Variants in LIX1L observed in about 807,000 individuals in gnomAD.
LIX1L encodes LIX1-like protein.
LIX1L carries 20 observed loss-of-function variants against 34.0 expected under a neutral mutation model. The observed-to-expected ratio is 0.59, with a 90% CI of 0.41 to 0.85. The LOEUF is 0.85. LIX1L is among the 40% of genes least tolerant of loss of function. The pLI is 0.00. For synonymous variants in LIX1L, 170 were observed against 187.4 expected (o/e 0.91, Z 0.76); for missense variants, 397 against 447.0 (o/e 0.89, Z 1.01).
At position 145,942,833 on chromosome 1, in the gene LIX1L, C is replaced by G. The variant is rs1553758849; in HGVS notation, c.477G>C (p.Glu159Asp). The G allele has an allele frequency of 6.2e-7, 1 of 1,614,126 alleles. No individual in the cohort carries two copies. The highest frequency in any genetic ancestry group is 1.1e-5 in the South Asian group (1 of 91,074). Residue 159 changes from glutamate (E) to aspartate (D), a missense_variant, in exon 3 of 6, where the codon GAG (glutamate) becomes GAC (aspartate). By Grantham distance (45) the Glu-to-Asp change is conservative. Transcript: ENST00000604000. Reference protein sequence around the residue: ...GSFQFCPTKAEARRSAAKIAL... With the variant: ...GSFQFCPTKADARRSAAKIAL... ...CAATCTTTGCAGCACTCCTCCGGGCCTCAGCTTTTGTGGGGCAAAACTAGG... is the reference window on the plus strand; with the variant it reads ...CAATCTTTGCAGCACTCCTCCGGGCGTCAGCTTTTGTGGGGCAAAACTAGG...
chr1:145,944,389 T>C (rs914046521), intron 2 of LIX1L: 2 of 152,168 alleles, frequency 1.3e-5, no homozygotes, highest in Admixed American at 6.5e-5. Flanking sequence ...GACCAGGATG[T>C]GTTTAGTACT....
rs181434466 is a variant in LIX1L at position 145,951,263 on chromosome 1, T to C, written c.293-3481A>G. ...GGTTTCACCATATTGGTCAGGCTGG[T>C]CTCAAACTCCTGACCTTAGGTGATC... On this transcript the variant is annotated intron_variant, in intron 1 of 5. Transcript: ENST00000604000. Among the ~76,000 whole-genome samples the C allele has an allele frequency of 2.7e-3, 417 of 152,248 alleles. 1 individual carries two copies. Among genetic ancestry groups the C allele is most frequent in the African/African-American group, 9.4e-3 (390 of 41,540 alleles).
At chr1:145,951,591 C>G (rs1214253872) in intron 1 of LIX1L, among the ~76,000 whole-genome samples, 7 of 152,176 alleles carry the variant, frequency 4.6e-5, no homozygotes, top group Non-Finnish European at 1.0e-4. Flanking sequence ...AAAAAAAGAT[C>G]CAGCATGAAA....
rs111555787 is a variant in LIX1L at position 145,937,128 on chromosome 1, ATATTTATTTATT to A, written c.694-155_694-144del. On this transcript the variant is annotated intron_variant, in intron 4 of 5. Coordinates refer to ENST00000604000, the MANE Select transcript of LIX1L (RefSeq NM_153713.3). Reference sequence around the variant, plus strand: ...TCTGATAGGCCTTTGGGGAAGAAAAATATTTATTTATTTATTTATTTATTTATTTATTTATTT... The same window carrying A: ...TCTGATAGGCCTTTGGGGAAGAAAAATATTTATTTATTTATTTATTTATTT... 946 of 195,264 alleles carry A rather than the reference ATATTTATTTATT, an allele frequency of 4.8e-3. 6 individuals carry two copies. The highest frequency in any genetic ancestry group is 0.017 in the African/African-American group (663 of 39,494). The allele number at this position is 195,264 out of a possible 1,614,324, so 12.1% of individuals were successfully genotyped here.
intron 3 of LIX1L, among the ~76,000 whole-genome samples, chr1:145,939,317 T>G (rs1014333955): frequency 7.9e-5 from 12 of 151,146 alleles, no homozygotes; most frequent in Non-Finnish European, 1.6e-4. Context: ...TTTTTTTTTT[T>G]TTTTTTGAGA....
At chr1:145,955,845 C>T (rs1048744226) in intron 1 of LIX1L, among the ~76,000 whole-genome samples, 7 of 152,196 alleles carry the variant, frequency 4.6e-5, no homozygotes, top group Non-Finnish European at 1.0e-4. Context: ...CCCCTTGTTC[C>T]CTCATCCTTG....
At chr1:145,955,018 G>A (rs186755128) in intron 1 of LIX1L, among the ~76,000 whole-genome samples, 1 of 152,338 alleles carries the variant, frequency 6.6e-6, no homozygotes, top group Admixed American at 6.5e-5. Context: ...TACATGCTCT[G>A]TAATGTAAAC....
chr1:145,942,564 T>C (rs587642768), intron 3 of LIX1L, 149 bp downstream of exon 3: 25 of 727,366 alleles, frequency 3.4e-5, no homozygotes, highest in Non-Finnish European at 4.2e-5. Flanking sequence ...CATGACACAA[T>C]AGACTGACAG....
intron 1 of LIX1L, chr1:145,950,434 T>C (rs1304283519): frequency 6.6e-6 from 1 of 152,326 alleles, no homozygotes; most frequent in African/African-American, 2.4e-5. Context: ...CGGAGTGCAG[T>C]GGCGTGATCT....
rs1553757445 is a variant in LIX1L at position 145,934,582 on chromosome 1, A to AAAAAAAT, written c.*1727_*1728insATTTTTT. On this transcript the variant is annotated 3_prime_UTR_variant, in exon 6 of 6. Coordinates refer to ENST00000604000, the MANE Select transcript of LIX1L (RefSeq NM_153713.3). The stretch of plus-strand genomic sequence containing the variant: ...GAGCGAGACTCCGTCTCAAAAAAAA[A>AAAAAAAT]AAAAACACACAAATAGTTTGGGAGG... 2.9e-4 allele frequency: 40 copies of AAAAAAAT among 139,832 alleles called. No homozygotes were observed. The highest frequency in any genetic ancestry group is 1.1e-3 in the African/African-American group (40 of 35,254). 8.7% of individuals were successfully genotyped at this position (139,832 alleles called of 1,614,324 possible).
chr1:145,952,616 T>A (rs1469541328), intron 1 of LIX1L, among the ~76,000 whole-genome samples: 3 of 119,428 alleles, frequency 2.5e-5, no homozygotes, highest in Non-Finnish European at 4.7e-5. Context: ...AAATAAAAAC[T>A]TTTTTTTTTT....
At chr1:145,940,437 C>T (rs1246574410) in intron 3 of LIX1L, among the ~76,000 whole-genome samples, 3 of 151,054 alleles carry the variant, frequency 2.0e-5, no homozygotes, top group African/African-American at 7.3e-5. Context: ...ACCTCCATCT[C>T]CCAGGTTCAA....
chr1:145,955,712 A>G (rs1173126598), intron 1 of LIX1L, among the ~76,000 whole-genome samples: 1 of 152,198 alleles, frequency 6.6e-6, no homozygotes, highest in Non-Finnish European at 1.5e-5. Context: ...TACTGGCTGG[A>G]CACTCAGACT....
rs587612632 is a variant in LIX1L, at chr1:145,942,574, G to C, written c.597+139C>G. On this transcript the variant is annotated intron_variant, in intron 3 of 5. Coordinates refer to ENST00000604000, the MANE Select transcript of LIX1L (RefSeq NM_153713.3). Reference sequence around the variant, plus strand: ...GAGCACATGACACAATAGACTGACAGAGAATAAATCAAAAGAACAGAGAGG... The same window carrying C: ...GAGCACATGACACAATAGACTGACACAGAATAAATCAAAAGAACAGAGAGG... 1.1e-4 allele frequency: 87 copies of C among 764,076 alleles called. 2 individuals carry two copies. In the African/African-American group the frequency reaches 1.3e-3, roughly 12 times the overall value. The allele number at this position is 764,076 out of a possible 1,614,324, so 47.3% of individuals were successfully genotyped here.
rs1275085314 is a variant in LIX1L at position 145,957,804 on chromosome 1, G to A, written c.124C>T (p.Pro42Ser). The part of the protein sequence containing the change: ...AAATATPPAG[P>S]PPAPPPPAPP... ...GCGGGAGGCGGCGGGGCAGGCGGGG[G>A]GCCCGCAGGGGGTGTGGCGGTGGCG... The change falls in exon 1 of 6, where the codon CCC becomes TCC. Residue 42 changes from proline to serine, a missense_variant. By Grantham distance (74) the Pro-to-Ser change is moderately conservative. Transcript: ENST00000604000. 2 of 1,355,760 alleles carry A rather than the reference G, an allele frequency of 1.5e-6. No homozygotes were observed. The highest frequency in any genetic ancestry group is 2.7e-4 in the Middle Eastern group (1 of 3,696). The allele number at this position is 1,355,760 out of a possible 1,614,324, so 84.0% of individuals were successfully genotyped here.
intron 1 of LIX1L, among the ~76,000 whole-genome samples, chr1:145,955,809 G>A (rs61814237): frequency 2.0e-5 from 3 of 152,226 alleles, no homozygotes; most frequent in Non-Finnish European, 4.4e-5. Context: ...TGTGAAGCCT[G>A]ATTAATTGCC....
At position 145,936,228 on chromosome 1, in the gene LIX1L, T is replaced by C; in HGVS notation, c.*82A>G. 1 of 1,451,594 alleles carries C rather than the reference T, an allele frequency of 6.9e-7. No individual in the cohort carries two copies. The highest frequency in any genetic ancestry group is 9.3e-7 in the Non-Finnish European group (1 of 1,071,908). The allele number at this position is 1,451,594 out of a possible 1,614,324, so 89.9% of individuals were successfully genotyped here. On this transcript the variant is annotated 3_prime_UTR_variant, in exon 6 of 6. Transcript: ENST00000604000. ...TTTAAAGTATAAAAATGAGAAAGTA[T>C]GTACAAAAAATCATCCTAAATCTTA...
Position 145,934,883 on chromosome 1 carries a change from T to A in LIX1L, c.*1427A>T. On this transcript the variant is annotated 3_prime_UTR_variant, in exon 6 of 6. Transcript: ENST00000604000. ...AACAAAACCAAAAAAAAACCACAAATAGGCCAGGCTCAGTGCCTCACGCCT... is the reference window on the plus strand; with the variant it reads ...AACAAAACCAAAAAAAAACCACAAAAAGGCCAGGCTCAGTGCCTCACGCCT... 1 of 150,858 alleles carries A rather than the reference T, an allele frequency of 6.6e-6. No homozygotes were observed. The highest frequency in any genetic ancestry group is 1.5e-5 in the Non-Finnish European group (1 of 67,950). 9.3% of individuals were successfully genotyped at this position (150,858 alleles called of 1,614,324 possible). A position where few individuals can be genotyped will look rare whatever the true frequency, so the allele number is the denominator to read the frequency against.
Position 145,936,126 on chromosome 1 carries a change from TCC to T in LIX1L, c.*182_*183del, listed in dbSNP as rs1648630643. On this transcript the variant is annotated 3_prime_UTR_variant, in exon 6 of 6. Transcript: ENST00000604000. Reference sequence around the variant, plus strand: ...TGAAGATGTTTCAAATAAAACTACATCCAAAAACTGGTAGTAAGAAAAGGGAT... The same window carrying T: ...TGAAGATGTTTCAAATAAAACTACATAAAAACTGGTAGTAAGAAAAGGGAT... 3.0e-6 allele frequency: 2 copies of T among 662,554 alleles called. No homozygotes were observed. The highest frequency in any genetic ancestry group is 3.6e-5 in the African/African-American group (2 of 54,874). The allele number at this position is 662,554 out of a possible 1,614,324, so 41.0% of individuals were successfully genotyped here.
Sources: allele counts gnomAD v4.1 joint callset (sites outside exome capture counted in the v4.1 genomes callset), GRCh38; gene constraint gnomAD v4.1.1; transcripts MANE v1.5; gene names NCBI Gene and HGNC (gene_info 2026-07-23, HGNC 2026-07-21).